Variants in RTBDN observed in about 807,000 individuals in gnomAD.
RTBDN encodes retbindin.
Under a neutral mutation model 21.9 loss-of-function variants are expected in RTBDN, and 24 were observed. The ratio of observed to expected loss-of-function variants is 1.10; its 90% confidence interval spans 0.79 to 1.54. RTBDN has a LOEUF of 1.54. Ranked by LOEUF, RTBDN falls within the 40% of genes most tolerant of loss-of-function variation. RTBDN has a pLI of 0.00. For synonymous variants in RTBDN, 141 were observed against 125.9 expected (o/e 1.12, Z -0.80); for missense variants, 325 against 315.2 (o/e 1.03, Z -0.23).
chr19:12,825,655 G>C lies in RTBDN; in HGVS notation c.*51C>G. 1.3e-6 allele frequency: 2 copies of C among 1,530,524 alleles called. No individual in the cohort carries two copies. Among genetic ancestry groups the C allele is most frequent in the Non-Finnish European group, 1.8e-6 (2 of 1,137,814 alleles). The allele number at this position is 1,530,524 out of a possible 1,614,324, so 94.8% of individuals were successfully genotyped here. A position where few individuals can be genotyped will look rare whatever the true frequency, so the allele number is the denominator to read the frequency against. ...AGGGGTGGGGTTCTGGGTGTCCTGA[G>C]GGGCGGGGCTGGGGGAAGGGTCGCT... On this transcript the variant is annotated 3_prime_UTR_variant, in exon 6 of 6. Transcript: ENST00000674343.
At chr19:12,833,508 C>G (rs1969649260) in intron 1 of RTBDN, among the ~76,000 whole-genome samples, 1 of 151,932 alleles carries the variant, frequency 6.6e-6, no homozygotes, top group African/African-American at 2.4e-5. Flanking sequence ...CAGGGCGTCC[C>G]TGTGGAAACT....
chr19:12,828,820 G>A (rs1599555277), intron 3 of RTBDN, 49 bp downstream of exon 3: 2 of 1,613,836 alleles, frequency 1.2e-6, no homozygotes, highest in Non-Finnish European at 1.7e-6. Context: ...GGGAGTTCCT[G>A]GGCAATGGGC....
chr19:12,826,198 G>A (rs1969290640), intron 5 of RTBDN: 1 of 1,346,294 alleles, frequency 7.4e-7, no homozygotes, highest in Non-Finnish European at 9.5e-7. Context: ...GTTTTGTAGA[G>A]AGTGACTGGG....
At chr19:12,834,681 G>A, upstream of RTBDN, 1 of 1,544,472 alleles carries the variant, frequency 6.5e-7, no homozygotes, top group Non-Finnish European at 8.9e-7. The surrounding 1 kb of genome is among the most constrained non-coding windows in gnomAD (Gnocchi z 4.7). Flanking sequence ...TCTCGAGGCT[G>A]CGCAGGCGCA....
chr19:12,831,289 T>A (rs899500351), intron 1 of RTBDN, among the ~76,000 whole-genome samples: 1 of 152,208 alleles, frequency 6.6e-6, no homozygotes. Context: ...TTATGTGTCC[T>A]TCTGAAGTTT....
rs1202334753 is a variant in RTBDN, at chr19:12,825,902, G to A, written c.494C>T (p.Ser165Leu). 1.2e-6 allele frequency: 2 copies of A among 1,607,604 alleles called. No homozygotes were observed. The highest frequency in any genetic ancestry group is 1.7e-5 in the Admixed American group (1 of 58,832). Reference sequence around the variant, plus strand: ...CACCGGTAGGGCGTGGCCCAGAGCCGAGCGACAAAGGTCCGTCCCGTCTGC... The same window carrying A: ...CACCGGTAGGGCGTGGCCCAGAGCCAAGCGACAAAGGTCCGTCCCGTCTGC... The part of the protein sequence containing the change: ...TFADGTDLCR[S>L]ALGHALPVAA... The change falls in exon 6 of 6, where the codon TCG becomes TTG. Residue 165 changes from serine to leucine, a missense_variant. By Grantham distance (145) the Ser-to-Leu change is moderately radical. Coordinates refer to ENST00000674343, the MANE Select transcript of RTBDN (RefSeq NM_001270441.2).
At chr19:12,826,566 C>A in intron 5 of RTBDN, 1 of 700,036 alleles carries the variant, frequency 1.4e-6, no homozygotes. Context: ...TGGTGGCATG[C>A]GCCTGAAATC....
At chr19:12,828,502 C>G (rs537650609) in intron 4 of RTBDN, among the ~76,000 whole-genome samples, 155 bp downstream of exon 4, 1 of 152,386 alleles carries the variant, frequency 6.6e-6, no homozygotes, top group African/African-American at 2.4e-5. Context: ...TGCCTCGCCC[C>G]TATCTACCTG....
At chr19:12,833,727 C>T (rs528395906) in intron 1 of RTBDN, among the ~76,000 whole-genome samples, 8 of 143,622 alleles carry the variant, frequency 5.6e-5, no homozygotes, top group Non-Finnish European at 1.2e-4. Context: ...CCCCCCCGCC[C>T]GCCCCTTCCC....
At chr19:12,833,234 A>T (rs1332828789) in intron 1 of RTBDN, among the ~76,000 whole-genome samples, 3 of 152,132 alleles carry the variant, frequency 2.0e-5, no homozygotes, top group Middle Eastern at 3.4e-3. Flanking sequence ...GGGTCTCCTC[A>T]GTGAAAATGT....
In RTBDN at chr19:12,825,705, G is replaced by T. The variant is rs182508783; in HGVS notation, c.*1C>A. The T allele has an allele frequency of 6.4e-7, 1 of 1,563,532 alleles. No individual in the cohort carries two copies. Among genetic ancestry groups the T allele is most frequent in the Non-Finnish European group, 8.7e-7 (1 of 1,155,712 alleles). ...TCCCCCAACTCAGGGCCACGCGTCCGCTAGGGGCCGCTGCCGCTTCCACTG... is the reference window on the plus strand; with the variant it reads ...TCCCCCAACTCAGGGCCACGCGTCCTCTAGGGGCCGCTGCCGCTTCCACTG... On this transcript the variant is annotated 3_prime_UTR_variant, in exon 6 of 6. Transcript: ENST00000674343.
chr19:12,833,329 G>A lies in RTBDN; in HGVS notation c.-19+1160C>T, dbSNP rs548384064. ...TCCCACAGAGGATATGGCTTTTAGG[G>A]GTCTCTGATTGGGGGTATCCTTTAC... On this transcript the variant is annotated intron_variant, in intron 1 of 5. Coordinates refer to ENST00000674343, the MANE Select transcript of RTBDN (RefSeq NM_001270441.2). Among the ~76,000 whole-genome samples, 5 of 150,432 alleles carry A rather than the reference G, an allele frequency of 3.3e-5. No individual in the cohort carries two copies. In the South Asian group the frequency reaches 1.0e-3, roughly 31 times the overall value.
At chr19:12,829,614 C>G (rs920464978) in intron 2 of RTBDN, among the ~76,000 whole-genome samples, 197 bp downstream of exon 2, 7 of 152,268 alleles carry the variant, frequency 4.6e-5, no homozygotes, top group Non-Finnish European at 1.0e-4. Context: ...TCCTCAGGAT[C>G]ACACAGCTAC....
intron 1 of RTBDN, among the ~76,000 whole-genome samples, chr19:12,833,660 T>C (rs1969654086): frequency 6.6e-6 from 1 of 152,042 alleles, no homozygotes; most frequent in Non-Finnish European, 1.5e-5. Context: ...CTGGGGTGTC[T>C]CTTTTTATAG....
chr19:12,833,635 G>A (rs1599567208), intron 1 of RTBDN, among the ~76,000 whole-genome samples: 1 of 152,120 alleles, frequency 6.6e-6, no homozygotes, highest in Non-Finnish European at 1.5e-5. Context: ...TTCTACCCCT[G>A]AGAATATCTC....
chr19:12,827,779 A>G (rs2145848834), intron 4 of RTBDN, among the ~76,000 whole-genome samples: 1 of 152,182 alleles, frequency 6.6e-6, no homozygotes, highest in Admixed American at 6.6e-5. Flanking sequence ...TTTTCAATCA[A>G]GAGGACTCAC....
intron 4 of RTBDN, 152 bp downstream of exon 4, chr19:12,828,505 T>A (rs1969412864): frequency 1.7e-6 from 1 of 589,904 alleles, no homozygotes; most frequent in African/African-American, 1.9e-5. Context: ...CTCGCCCCTA[T>A]CTACCTGGGC....
At chr19:12,826,694 C>T (rs772331016) in intron 5 of RTBDN, 81 bp downstream of exon 5, 1 of 1,031,570 alleles carries the variant, frequency 9.7e-7, no homozygotes. Context: ...AACTCCGTCT[C>T]AGAAATAAAT....
rs1216433920 is a variant in RTBDN at position 12,830,527 on chromosome 19, G to T, written c.-18-530C>A. ...GGCAGGGCTCAGGTTCTGTCACTGGGGCCCAAAGCCCCGAGGCAGGGACAG... is the reference window on the plus strand; with the variant it reads ...GGCAGGGCTCAGGTTCTGTCACTGGTGCCCAAAGCCCCGAGGCAGGGACAG... On this transcript the variant is annotated intron_variant, in intron 1 of 5. Coordinates refer to ENST00000674343, the MANE Select transcript of RTBDN (RefSeq NM_001270441.2). The surrounding 1 kb of genome is among the most constrained non-coding windows in gnomAD (Gnocchi z 4.2). 2 of 984,478 alleles carry T rather than the reference G, an allele frequency of 2.0e-6. No homozygotes were observed. The highest frequency in any genetic ancestry group is 1.2e-6 in the Non-Finnish European group (1 of 829,106). 61.0% of individuals were successfully genotyped at this position (984,478 alleles called of 1,614,324 possible).
Sources: allele counts gnomAD v4.1 joint callset (sites outside exome capture counted in the v4.1 genomes callset), GRCh38; gene constraint gnomAD v4.1.1; non-coding constraint Gnocchi (gnomAD v3.1); transcripts MANE v1.5; gene names NCBI Gene and HGNC (gene_info 2026-07-23, HGNC 2026-07-21).